GAN: variants seen among roughly 807,000 people sequenced by gnomAD.
GAN encodes epididymis secretory sperm binding protein.
In GAN, 48 loss-of-function variants were observed where a neutral mutation model predicts 71.3. The ratio of observed to expected loss-of-function variants is 0.67; its 90% confidence interval spans 0.53 to 0.86. GAN has a LOEUF of 0.86. GAN is among the 40% of genes least tolerant of loss of function. The pLI is 0.00. For missense variants in GAN, 928 were observed against 770.1 expected, an observed-to-expected ratio of 1.21 and a Z score of -2.43; for synonymous variants, 386 against 276.8, an observed-to-expected ratio of 1.39 and a Z score of -3.92.
intron 1 of GAN, among the ~76,000 whole-genome samples, chr16:81,328,081 A>G (rs947360289): frequency 6.6e-6 from 1 of 152,168 alleles, no homozygotes; most frequent in Non-Finnish European, 1.5e-5. Context: ...TTTAACATGC[A>G]TTTTCAAACC....
intron 9 of GAN, 114 bp from the exon 10 acceptor site, chr16:81,377,105 T>C: frequency 1.3e-6 from 1 of 789,380 alleles, no homozygotes; most frequent in Non-Finnish European, 2.3e-6. Context: ...GGGGTCGAGA[T>C]TGGCACAGTG....
chr16:81,341,889 A>G (rs1204167949), intron 1 of GAN, among the ~76,000 whole-genome samples: 2 of 152,226 alleles, frequency 1.3e-5, no homozygotes, highest in African/African-American at 4.8e-5. Context: ...CAGGAGACCC[A>G]TCTCACATGC....
chr16:81,374,098 C>T (rs887367365), intron 9 of GAN, among the ~76,000 whole-genome samples: 8 of 152,090 alleles, frequency 5.3e-5, no homozygotes, highest in Admixed American at 2.0e-4. Context: ...GTTATTGGTT[C>T]GTTATTTTTT....
In GAN at chr16:81,380,800, A is replaced by T. The variant is rs1390917004; in HGVS notation, c.*3204A>T. The T allele has an allele frequency of 6.6e-6, 1 of 152,220 alleles. No homozygotes were observed. The highest frequency in any genetic ancestry group is 1.5e-5 in the Non-Finnish European group (1 of 68,036). The allele number at this position is 152,220 out of a possible 1,614,324, so 9.4% of individuals were successfully genotyped here. ...CGCGTTTCTCTTCTTCAGCAGGATTAAAAACAGTGTTTACCAACTCGTAGT... is the reference window on the plus strand; with the variant it reads ...CGCGTTTCTCTTCTTCAGCAGGATTTAAAACAGTGTTTACCAACTCGTAGT... On this transcript the variant is annotated 3_prime_UTR_variant, in exon 11 of 11. Coordinates refer to ENST00000648994, the MANE Select transcript of GAN (RefSeq NM_022041.4).
At chr16:81,330,674 C>G (rs1265487308) in intron 1 of GAN, among the ~76,000 whole-genome samples, 1 of 152,288 alleles carries the variant, frequency 6.6e-6, no homozygotes, top group East Asian at 1.9e-4. Context: ...CTACTGATGG[C>G]TACAAAAAGG....
intron 1 of GAN, among the ~76,000 whole-genome samples, chr16:81,341,189 G>C (rs1028279451): frequency 4.6e-5 from 7 of 152,232 alleles, no homozygotes; most frequent in African/African-American, 1.4e-4. Flanking sequence ...GAAAGTGATG[G>C]GGAGAATGGA....
At position 81,390,741 on chromosome 16, in the gene GAN, G is replaced by T. The variant is rs1274370878; in HGVS notation, c.*13145G>T. 6.6e-6 allele frequency: 1 copy of T among 152,098 alleles called. No homozygotes were observed. Among genetic ancestry groups the T allele is most frequent in the African/African-American group, 2.4e-5 (1 of 41,402 alleles). The allele number at this position is 152,098 out of a possible 1,614,324, so 9.4% of individuals were successfully genotyped here. ...AAAACTTGAAATATTTTCTAGAAGG[G>T]TACCACACAAAAGGAATCATCTTTA... is the stretch of plus-strand genomic sequence containing the variant. On this transcript the variant is annotated 3_prime_UTR_variant, in exon 11 of 11. Transcript: ENST00000648994.
chr16:81,382,612 T>C lies in GAN; in HGVS notation c.*5016T>C, dbSNP rs1904311046. The C allele has an allele frequency of 6.6e-6, 1 of 152,216 alleles. No homozygotes were observed. Among genetic ancestry groups the C allele is most frequent in the East Asian group, 1.9e-4 (1 of 5,206 alleles). 9.4% of individuals were successfully genotyped at this position (152,216 alleles called of 1,614,324 possible). A position where few individuals can be genotyped will look rare whatever the true frequency, so the allele number is the denominator to read the frequency against. On this transcript the variant is annotated 3_prime_UTR_variant, in exon 11 of 11. Transcript: ENST00000648994. The stretch of plus-strand genomic sequence containing the variant: ...GCTTTTAATAATTCTTGAAATACTC[T>C]TTACTCTGTCTGTAGTTTTGAGAAA...
At position 81,355,180 on chromosome 16, in the gene GAN, A is replaced by G. The variant is rs189090166; in HGVS notation, c.633+425A>G. On this transcript the variant is annotated intron_variant, in intron 3 of 10. Coordinates refer to ENST00000648994, the MANE Select transcript of GAN (RefSeq NM_022041.4). ...GGATCGATGGCAGGGGTGGAGGGGCATGGGCCTGAGGAGCTTCAGGTGTGA... is the reference window on the plus strand; with the variant it reads ...GGATCGATGGCAGGGGTGGAGGGGCGTGGGCCTGAGGAGCTTCAGGTGTGA... Among the ~76,000 whole-genome samples the G allele has an allele frequency of 1.7e-4, 26 of 152,266 alleles. No homozygotes were observed. The East Asian group carries it at 4.6e-3, about 27-fold the overall frequency.
At chr16:81,339,325 G>A (rs1909866650) in intron 1 of GAN, among the ~76,000 whole-genome samples, 1 of 152,190 alleles carries the variant, frequency 6.6e-6, no homozygotes, top group Admixed American at 6.5e-5. Flanking sequence ...TTTCAGCGTT[G>A]TACAGATACA....
At chr16:81,371,773 A>C (rs2081261) in intron 9 of GAN, 104,027 of 152,082 alleles carry the variant, frequency 0.68, 36,019 homozygotes, top group East Asian at 0.87. Context: ...GAGCTGCCCC[A>C]GTGAGGCTGC....
At chr16:81,347,029 C>G (rs1910140192) in intron 1 of GAN, among the ~76,000 whole-genome samples, 1 of 152,190 alleles carries the variant, frequency 6.6e-6, no homozygotes, top group Non-Finnish European at 1.5e-5. Context: ...CTGAGAAATA[C>G]AAATAGTCAT....
In GAN at chr16:81,356,927, G is replaced by A. The variant is rs764763934; in HGVS notation, c.776G>A (p.Gly259Glu). ...ATACCGCTCAGCCAGCCGCAGCAAG[G>A]GGAGGCGATGCTGGCCAACTTCAAA... ...SNIPLSQPQQ[G>E]EAMLANFKPR... Residue 259 changes from glycine (G) to glutamate (E), a missense_variant, in exon 4 of 11, where the codon GGG (glycine) becomes GAG (glutamate). Physicochemically the swap from Gly to Glu is moderately conservative, Grantham distance 98. Coordinates refer to ENST00000648994, the MANE Select transcript of GAN (RefSeq NM_022041.4). The A allele has an allele frequency of 3.1e-6, 5 of 1,613,948 alleles. No individual in the cohort carries two copies. Among genetic ancestry groups the A allele is most frequent in the Non-Finnish European group, 4.2e-6 (5 of 1,179,912 alleles).
Position 81,336,201 on chromosome 16 carries a change from C to T in GAN, c.168-15382C>T, listed in dbSNP as rs149299445. On this transcript the variant is annotated intron_variant, in intron 1 of 10. Transcript: ENST00000648994. ...CTGGCACCCAGTCCACACCCCACTA[C>T]CTGCTGAGGAGCTTCCTTGGGTTTC... 2.6e-5 allele frequency among the ~76,000 whole-genome samples: 4 copies of T among 152,324 alleles called. No homozygotes were observed. The East Asian group carries it at 7.7e-4, about 29-fold the overall frequency.
intron 1 of GAN, among the ~76,000 whole-genome samples, chr16:81,330,222 G>T (rs1222531758): frequency 6.6e-6 from 1 of 152,214 alleles, no homozygotes; most frequent in Admixed American, 6.5e-5. Flanking sequence ...CCACACTGCT[G>T]CCGCCAGAGT....
chr16:81,365,584 A>T, intron 9 of GAN, 106 bp downstream of exon 9: 1 of 1,129,398 alleles, frequency 8.9e-7, no homozygotes, highest in Non-Finnish European at 1.3e-6. Context: ...TAAATTATGG[A>T]TTTAGGAGAT....
chr16:81,321,818 G>T (rs913907921), intron 1 of GAN, among the ~76,000 whole-genome samples: 1 of 152,312 alleles, frequency 6.6e-6, no homozygotes, highest in South Asian at 2.1e-4. Context: ...AGATACGGGG[G>T]TGTGAGATGT....
At chr16:81,333,177 G>A (rs1294386962) in intron 1 of GAN, among the ~76,000 whole-genome samples, 2 of 151,044 alleles carry the variant, frequency 1.3e-5, no homozygotes, top group Non-Finnish European at 2.9e-5. Context: ...AGGAGATGGA[G>A]GTTGCAGTGA....
At chr16:81,338,744 G>A (rs940995216) in intron 1 of GAN, among the ~76,000 whole-genome samples, 2 of 152,362 alleles carry the variant, frequency 1.3e-5, no homozygotes, top group Non-Finnish European at 2.9e-5. Flanking sequence ...CCAGAAATGC[G>A]GGAGGGAAGT....
Sources: allele counts gnomAD v4.1 joint callset (sites outside exome capture counted in the v4.1 genomes callset), GRCh38; gene constraint gnomAD v4.1.1; transcripts MANE v1.5; gene names NCBI Gene and HGNC (gene_info 2026-07-23, HGNC 2026-07-21).